ZNF239: variants seen among roughly 807,000 people sequenced by gnomAD.
The protein encoded by ZNF239 is zinc finger protein 239.
In ZNF239, 16 loss-of-function variants were observed where a neutral mutation model predicts 27.5. That is an observed-to-expected ratio of 0.58 (90% confidence interval 0.39 to 0.88). ZNF239 has a LOEUF of 0.88. Ranked by LOEUF, ZNF239 falls within the 40% of genes least tolerant of loss-of-function variation. The pLI, the probability that ZNF239 is intolerant of heterozygous loss-of-function variation, is 0.00. For synonymous variants in ZNF239, 199 were observed against 192.6 expected (o/e 1.03, Z -0.27); for missense variants, 527 against 551.9 (o/e 0.95, Z 0.45).
Position 43,558,119 on chromosome 10 carries a change from A to G in ZNF239, c.-40T>C, listed in dbSNP as rs1836942304. On this transcript the variant is annotated 5_prime_UTR_variant, in exon 4 of 4. Transcript: ENST00000374446. ...GCCAGGAGGAAAGCTCATGTAACAG[A>G]TCCTGAAGTGTTTTCTGCTGAAGAT... 6.4e-7 allele frequency: 1 copy of G among 1,570,234 alleles called. No individual in the cohort carries two copies. Among genetic ancestry groups the G allele is most frequent in the African/African-American group, 1.4e-5 (1 of 73,456 alleles).
chr10:43,560,488 T>C (rs1837145838), intron 3 of ZNF239, among the ~76,000 whole-genome samples: 1 of 151,742 alleles, frequency 6.6e-6, no homozygotes, highest in Non-Finnish European at 1.5e-5. Flanking sequence ...GTACAGGGAA[T>C]AGGAGGCCCA....
At chr10:43,558,671 A>C (rs568225842) in intron 3 of ZNF239, among the ~76,000 whole-genome samples, 7 of 151,978 alleles carry the variant, frequency 4.6e-5, no homozygotes, top group African/African-American at 1.7e-4. Context: ...CTGGCCTCCA[A>C]CTCCTGGCCT....
chr10:43,562,683 G>A (rs1837341308), intron 3 of ZNF239, among the ~76,000 whole-genome samples: 1 of 152,180 alleles, frequency 6.6e-6, no homozygotes, highest in South Asian at 2.1e-4. Context: ...AGCAGAGTCA[G>A]GAAACAGGAA....
At position 43,556,872 on chromosome 10, in the gene ZNF239, T is replaced by C. The variant is rs1024551083; in HGVS notation, c.1208A>G (p.Tyr403Cys). Reference sequence around the variant, plus strand: ...TCCCTTCCCACACTTGCCACAGTGATAGGGCTTCTCTCCAGTGTGGACTCT... The same window carrying C: ...TCCCTTCCCACACTTGCCACAGTGACAGGGCTTCTCTCCAGTGTGGACTCT... ...HLRVHTGEKP[Y>C]HCGKCGKGFS... Residue 403 changes from tyrosine (Y) to cysteine (C), a missense_variant, in exon 4 of 4, where the codon TAT becomes TGT. Physicochemically the swap from Tyr to Cys is radical, Grantham distance 194. Transcript: ENST00000374446. The C allele has an allele frequency of 4.3e-6, 7 of 1,614,100 alleles. No homozygotes were observed. The highest frequency in any genetic ancestry group is 5.9e-6 in the Non-Finnish European group (7 of 1,180,026).
At chr10:43,570,991 T>C (rs1243143202) in intron 2 of ZNF239, 2 of 984,980 alleles carry the variant, frequency 2.0e-6, no homozygotes, top group Non-Finnish European at 2.4e-6. Flanking sequence ...GAAAGGAAAT[T>C]AGTGCTCCTG....
chr10:43,557,669 A>AG lies in ZNF239; in HGVS notation c.410dup (p.Cys138LeufsTer14), dbSNP rs772417596. 121 of 1,614,094 alleles carry AG rather than the reference A, an allele frequency of 7.5e-5. No homozygotes were observed. The highest frequency in any genetic ancestry group is 5.8e-5 in the Non-Finnish European group (68 of 1,180,058). The stretch of plus-strand genomic sequence containing the variant: ...ATTCTTTTAACTGGCCATTCTGGCA[A>AG]GTTGCCTCACCATTTAACAATGGCG... On this transcript the variant is annotated frameshift_variant, in exon 4 of 4. Coordinates refer to ENST00000374446, the MANE Select transcript of ZNF239 (RefSeq NM_001099282.2). LOFTEE classifies it high-confidence loss of function.
At chr10:43,564,530 G>T (rs750936717) in intron 3 of ZNF239, among the ~76,000 whole-genome samples, 9 of 152,046 alleles carry the variant, frequency 5.9e-5, no homozygotes, top group Admixed American at 1.3e-4. Context: ...CGAGAAGAGA[G>T]AAATTTTTTT....
At chr10:43,568,565 G>A (rs7086537) in intron 2 of ZNF239, 323,644 of 610,372 alleles carry the variant, frequency 0.53, 86,287 homozygotes, top group South Asian at 0.61. Context: ...AAACTAAGTA[G>A]TTGAACATTA....
At chr10:43,561,334 A>AAAAC (rs10647144) in intron 3 of ZNF239, among the ~76,000 whole-genome samples, 46,961 of 150,840 alleles carry the variant, frequency 0.31, 7,493 homozygotes, top group East Asian at 0.5. Flanking sequence ...CTTCAAGGAA[A>AAAAC]AAACAAACAA....
intron 2 of ZNF239, chr10:43,571,111 G>T: frequency 1.4e-6 from 1 of 696,204 alleles, no homozygotes; most frequent in Non-Finnish European, 1.8e-6. Flanking sequence ...ACAGTTGGGA[G>T]AGCAGACTTG....
At chr10:43,570,351 C>G (rs1837951338) in intron 2 of ZNF239, 2 of 985,250 alleles carry the variant, frequency 2.0e-6, no homozygotes, top group African/African-American at 3.5e-5. Flanking sequence ...TTGCTGCCTT[C>G]AAGCTCCATC....
At chr10:43,562,905 A>C (rs1009506926) in intron 3 of ZNF239, among the ~76,000 whole-genome samples, 4 of 152,238 alleles carry the variant, frequency 2.6e-5, no homozygotes, top group Non-Finnish European at 4.4e-5. Context: ...AATACTTGGA[A>C]ATGGCTAGTG....
chr10:43,557,644 A>T lies in ZNF239; in HGVS notation c.436T>A (p.Ser146Thr). The change falls in exon 4 of 4, where the codon TCT (serine) becomes ACT (threonine). Residue 146 changes from serine to threonine, a missense_variant. Transcript: ENST00000374446. ...ATCQNGQLKE[S>T]LDPIDCNCKD... is the part of the protein sequence containing the mutation. ...CAGTTACAGTCAATGGGATCCAAAG[A>T]TTCTTTTAACTGGCCATTCTGGCAA... 6.2e-7 allele frequency: 1 copy of T among 1,614,184 alleles called. No homozygotes were observed. Among genetic ancestry groups the T allele is most frequent in the Non-Finnish European group, 8.5e-7 (1 of 1,180,030 alleles).
At chr10:43,573,849 C>T (rs1838185443) in intron 1 of ZNF239, among the ~76,000 whole-genome samples, 172 bp from the exon 2 acceptor site, 1 of 152,216 alleles carries the variant, frequency 6.6e-6, no homozygotes, top group African/African-American at 2.4e-5. Context: ...TCATCTCTCT[C>T]CACAGGGCTT....
intron 3 of ZNF239, among the ~76,000 whole-genome samples, chr10:43,559,255 A>T (rs1837043260): frequency 6.6e-6 from 1 of 152,250 alleles, no homozygotes; most frequent in Non-Finnish European, 1.5e-5. Context: ...TTTAATTCAG[A>T]GTGAAATGAC....
chr10:43,559,696 C>T (rs925870991), intron 3 of ZNF239, among the ~76,000 whole-genome samples: 4 of 152,070 alleles, frequency 2.6e-5, no homozygotes, highest in Non-Finnish European at 5.9e-5. Context: ...AAACAAAACC[C>T]TCCCCGAGAC....
At chr10:43,569,835 T>C (rs1189655538) in intron 2 of ZNF239, among the ~76,000 whole-genome samples, 2 of 152,230 alleles carry the variant, frequency 1.3e-5, no homozygotes, top group Non-Finnish European at 2.9e-5. Context: ...AAGCAGGGCC[T>C]GGCACATAAA....
intron 2 of ZNF239, chr10:43,570,728 A>AT (rs1837979042): frequency 1.8e-5 from 16 of 890,672 alleles, no homozygotes; most frequent in Non-Finnish European, 2.2e-5. Context: ...TAAGACCCTT[A>AT]TTTTTTTTCT....
chr10:43,570,390 T>A (rs1160356326), intron 2 of ZNF239: 4 of 985,238 alleles, frequency 4.1e-6, no homozygotes, highest in Non-Finnish European at 4.8e-6. Context: ...GCATGACCCA[T>A]GGCATATTAA....
Sources: allele counts gnomAD v4.1 joint callset (sites outside exome capture counted in the v4.1 genomes callset), GRCh38; gene constraint gnomAD v4.1.1; transcripts MANE v1.5; gene names NCBI Gene and HGNC (gene_info 2026-07-23, HGNC 2026-07-21).